Variants in ATRNL1 observed in about 807,000 individuals in gnomAD.
ATRNL1 encodes the protein attractin-like protein 1.
A neutral mutation model predicts 182.7 loss-of-function variants in ATRNL1; 95 were observed. That is an observed-to-expected ratio of 0.52 (90% CI 0.44 to 0.62). The LOEUF (loss-of-function observed/expected upper bound fraction) is 0.62. Among genes scored for constraint, ATRNL1 ranks in the 20% least tolerant of loss-of-function variants. ATRNL1 has a pLI of 0.00. For synonymous variants in ATRNL1, 576 were observed against 568.3 expected (o/e 1.01, Z -0.19); for missense variants, 1,471 against 1,679.5 (o/e 0.88, Z 2.17).
intron 28 of ATRNL1, among the ~76,000 whole-genome samples, chr10:115,896,376 G>GA (rs1427457153): frequency 6.8e-6 from 1 of 146,980 alleles, no homozygotes; most frequent in Non-Finnish European, 1.5e-5. Flanking sequence ...ACAGCATAAA[G>GA]AAAAAACTGA....
intron 28 of ATRNL1, among the ~76,000 whole-genome samples, chr10:115,922,988 G>C (rs144929089): frequency 6.6e-6 from 1 of 152,114 alleles, no homozygotes; most frequent in African/African-American, 2.4e-5. Context: ...TTAGCCCACC[G>C]TAAAGGAATA....
intron 21 of ATRNL1, among the ~76,000 whole-genome samples, chr10:115,427,575 T>C (rs1209220863): frequency 1.3e-5 from 2 of 152,174 alleles, no homozygotes; most frequent in East Asian, 3.8e-4. Context: ...TATTTAAGTA[T>C]ATGGTCCATT....
At chr10:115,290,150 A>G (rs1375224309) in intron 15 of ATRNL1, among the ~76,000 whole-genome samples, 1 of 148,874 alleles carries the variant, frequency 6.7e-6, no homozygotes, top group Non-Finnish European at 1.5e-5. Flanking sequence ...TACCTTCTTG[A>G]TTTATTTTCC....
intron 19 of ATRNL1, among the ~76,000 whole-genome samples, chr10:115,370,102 G>A (rs973308357): frequency 6.6e-6 from 1 of 152,150 alleles, no homozygotes; most frequent in African/African-American, 2.4e-5. Context: ...CTTTTATCTT[G>A]TCTGCCACCA....
chr10:115,311,115 T>G (rs1554927657), intron 17 of ATRNL1, among the ~76,000 whole-genome samples: 1 of 152,182 alleles, frequency 6.6e-6, no homozygotes, highest in Admixed American at 6.5e-5. Flanking sequence ...TTTACATAGT[T>G]TTGAAGGTTC....
At chr10:115,140,509 C>G (rs1364079831) in intron 5 of ATRNL1, among the ~76,000 whole-genome samples, 1 of 152,112 alleles carries the variant, frequency 6.6e-6, no homozygotes, top group Non-Finnish European at 1.5e-5. Flanking sequence ...ACAATTTTTT[C>G]TTAATGTATT....
chr10:115,240,533 C>T (rs116337214), intron 9 of ATRNL1, among the ~76,000 whole-genome samples: 1 of 151,960 alleles, frequency 6.6e-6, no homozygotes, highest in Non-Finnish European at 1.5e-5. Flanking sequence ...GAGTTACAGG[C>T]GTGAGACAAC....
chr10:115,795,438 C>G (rs1160229008), intron 27 of ATRNL1, among the ~76,000 whole-genome samples: 4 of 152,150 alleles, frequency 2.6e-5, no homozygotes, highest in Admixed American at 1.3e-4. Flanking sequence ...TGACCAGTCT[C>G]CTGGTCTCAG....
At chr10:115,422,691 A>G (rs2134381528) in intron 20 of ATRNL1, among the ~76,000 whole-genome samples, 1 of 152,312 alleles carries the variant, frequency 6.6e-6, no homozygotes, top group Admixed American at 6.5e-5. Context: ...CAGCTATAAA[A>G]AAAGAACAAG....
intron 8 of ATRNL1, among the ~76,000 whole-genome samples, chr10:115,210,170 A>C (rs2144369412): frequency 6.6e-6 from 1 of 152,138 alleles, no homozygotes; most frequent in South Asian, 2.1e-4. Context: ...TTTTGAGATA[A>C]ATGTAGTTAC....
intron 27 of ATRNL1, among the ~76,000 whole-genome samples, chr10:115,766,787 T>G (rs1464774169): frequency 6.6e-6 from 1 of 152,216 alleles, no homozygotes; most frequent in Non-Finnish European, 1.5e-5. Context: ...CAGACTATTA[T>G]GCATTCATGG....
At chr10:115,254,279 GCATCCT>G (rs1392035846) in intron 10 of ATRNL1, among the ~76,000 whole-genome samples, 5 of 151,912 alleles carry the variant, frequency 3.3e-5, no homozygotes, top group Admixed American at 3.3e-4. Flanking sequence ...CTATTTCTCC[GCATCCT>G]CTCCAACATC....
chr10:115,836,519 G>A (rs1326042860), intron 27 of ATRNL1, among the ~76,000 whole-genome samples: 4 of 152,136 alleles, frequency 2.6e-5, no homozygotes, highest in Non-Finnish European at 4.4e-5. Flanking sequence ...GAGTTTTTCC[G>A]TGCACCTCCC....
chr10:115,625,285 A>G (rs1858021650), intron 26 of ATRNL1, among the ~76,000 whole-genome samples: 1 of 152,164 alleles, frequency 6.6e-6, no homozygotes, highest in African/African-American at 2.4e-5. Context: ...TATGGATGAA[A>G]CTGAAAATGG....
At chr10:115,536,418 G>A (rs1216997331) in intron 25 of ATRNL1, among the ~76,000 whole-genome samples, 2 of 152,228 alleles carry the variant, frequency 1.3e-5, no homozygotes, top group Non-Finnish European at 2.9e-5. Context: ...TCCGAGCCAG[G>A]TGTGGGATAT....
intron 1 of ATRNL1, among the ~76,000 whole-genome samples, chr10:115,099,358 T>G (rs529776613): frequency 2.3e-3 from 358 of 152,348 alleles, no homozygotes; most frequent in Non-Finnish European, 4.6e-3. Flanking sequence ...GTTTCAAATT[T>G]TTGGCTGTTC....
chr10:115,750,201 C>T (rs996082565), intron 27 of ATRNL1, among the ~76,000 whole-genome samples: 1 of 151,856 alleles, frequency 6.6e-6, no homozygotes, highest in Admixed American at 6.6e-5. Flanking sequence ...ATTTCAATTA[C>T]AGACACTAAT....
chr10:115,592,068 G>A (rs148889551), intron 26 of ATRNL1, among the ~76,000 whole-genome samples: 232 of 152,268 alleles, frequency 1.5e-3, no homozygotes, highest in African/African-American at 5.3e-3. Flanking sequence ...ATTAGCACAG[G>A]AACAGAAAAC....
intron 10 of ATRNL1, among the ~76,000 whole-genome samples, chr10:115,244,122 G>A (rs1850531476): frequency 6.6e-6 from 1 of 152,022 alleles, no homozygotes. Context: ...GTGTCATGTT[G>A]CTAGTTTTTC....
Sources: gnomAD v4.1 joint callset for allele counts (sites outside exome capture counted in the v4.1 genomes callset) on GRCh38, gnomAD v4.1.1 for gene constraint, MANE v1.5 for transcripts, NCBI Gene and HGNC (gene_info 2026-07-23, HGNC 2026-07-21) for gene names.